Variants in KLRD1 observed in about 807,000 individuals in gnomAD.
KLRD1 encodes the protein killer cell lectin like receptor D1.
KLRD1 carries 21 observed loss-of-function variants against 22.6 expected under a neutral mutation model. That is an observed-to-expected ratio of 0.93 (90% confidence interval 0.66 to 1.34). The LOEUF (loss-of-function observed/expected upper bound fraction) is 1.34. Ranked by LOEUF, KLRD1 falls within the 40% of genes most tolerant of loss-of-function variation. The probability of loss-of-function intolerance (pLI) is 0.00; values close to 1 mark genes in which losing one functional copy is unlikely to be tolerated. For missense variants in KLRD1, 183 were observed against 208.6 expected (o/e 0.88, Z 0.76); for synonymous variants, 59 against 71.1 (o/e 0.83, Z 0.85).
At chr12:10,280,394 A>C (rs1949628973) in intron 1 of KLRD1, among the ~76,000 whole-genome samples, 1 of 152,240 alleles carries the variant, frequency 6.6e-6, no homozygotes, top group South Asian at 2.1e-4. Context: ...TTAAGTAGCC[A>C]ATATTCTAGG....
rs79151715 is a variant in KLRD1, at chr12:10,326,177, G to A, written c.*11384G>A. On this transcript the variant is annotated 3_prime_UTR_variant, in exon 6 of 6. Coordinates refer to ENST00000336164, the MANE Select transcript of KLRD1 (RefSeq NM_002262.5). ...TTACTTGTGTTTTTTTTAATATTGA[G>A]TTGTAGGAGTTCTTTATATGTTTTG... 15 of 152,058 alleles carry A rather than the reference G, an allele frequency of 9.9e-5. No individual in the cohort carries two copies. In the East Asian group the frequency reaches 2.9e-3, roughly 29 times the overall value. 9.4% of individuals were successfully genotyped at this position (152,058 alleles called of 1,614,324 possible). A position where few individuals can be genotyped will look rare whatever the true frequency, so the allele number is the denominator to read the frequency against.
At chr12:10,258,343 T>G (rs998978065) in intron 1 of KLRD1, among the ~76,000 whole-genome samples, 62 of 152,326 alleles carry the variant, frequency 4.1e-4, no homozygotes, top group African/African-American at 1.4e-3. Flanking sequence ...GTTTTTATTA[T>G]TTAATTACTA....
intron 1 of KLRD1, among the ~76,000 whole-genome samples, chr12:10,242,993 C>A (rs182739769): frequency 2.3e-4 from 35 of 152,170 alleles, no homozygotes; most frequent in African/African-American, 7.7e-4. Context: ...ATGGATGAAT[C>A]TGGGGGGCAT....
intron 1 of KLRD1, among the ~76,000 whole-genome samples, chr12:10,268,786 A>G (rs534172248): frequency 6.6e-6 from 1 of 152,314 alleles, no homozygotes; most frequent in South Asian, 2.1e-4. Flanking sequence ...GAAAGATAAT[A>G]TTTGCTGAAG....
intron 1 of KLRD1, among the ~76,000 whole-genome samples, chr12:10,283,789 G>A (rs1949669929): frequency 6.6e-6 from 1 of 152,040 alleles, no homozygotes; most frequent in Non-Finnish European, 1.5e-5. Flanking sequence ...GGAGGACAAA[G>A]AGAAAAGTGA....
At chr12:10,310,565 T>C (rs1312568915) in intron 3 of KLRD1, among the ~76,000 whole-genome samples, 1 of 152,182 alleles carries the variant, frequency 6.6e-6, no homozygotes, top group African/African-American at 2.4e-5. Context: ...TTTGGGAGGC[T>C]GAGGTAGGCA....
chr12:10,328,913 G>C lies in KLRD1; in HGVS notation c.*14120G>C, dbSNP rs775666962. ...AGAGAATGAAAGCCAAGCCAAAGGG[G>C]GTTTCCCCTTATAAAACCATCTGAT... On this transcript the variant is annotated 3_prime_UTR_variant, in exon 6 of 6. Transcript: ENST00000336164. 1 of 152,158 alleles carries C rather than the reference G, an allele frequency of 6.6e-6. No homozygotes were observed. The highest frequency in any genetic ancestry group is 1.5e-5 in the Non-Finnish European group (1 of 68,032). 9.4% of individuals were successfully genotyped at this position (152,158 alleles called of 1,614,324 possible).
chr12:10,257,398 T>A (rs2075728523), intron 1 of KLRD1, among the ~76,000 whole-genome samples: 1 of 151,242 alleles, frequency 6.6e-6, no homozygotes, highest in Non-Finnish European at 1.5e-5. Flanking sequence ...TCTTAGTCTC[T>A]GTTCACTTTT....
chr12:10,299,178 C>G (rs1242557936), intron 1 of KLRD1, among the ~76,000 whole-genome samples: 5 of 150,624 alleles, frequency 3.3e-5, no homozygotes, highest in Non-Finnish European at 5.9e-5. Flanking sequence ...GGGTTCCATT[C>G]TGCGTTTTTT....
rs1950368748 is a variant in KLRD1, at chr12:10,327,141, G to C, written c.*12348G>C. ...ATGGATGTTCATTTTTCCCGTCACT[G>C]TTTGTTGAAGAAACTGTCATTTCCC... is the stretch of plus-strand genomic sequence containing the variant. On this transcript the variant is annotated 3_prime_UTR_variant, in exon 6 of 6. Coordinates refer to ENST00000336164, the MANE Select transcript of KLRD1 (RefSeq NM_002262.5). 1 of 152,138 alleles carries C rather than the reference G, an allele frequency of 6.6e-6. No individual in the cohort carries two copies. The allele number at this position is 152,138 out of a possible 1,614,324, so 9.4% of individuals were successfully genotyped here.
At chr12:10,261,781 G>A (rs1949456538) in intron 1 of KLRD1, among the ~76,000 whole-genome samples, 1 of 151,966 alleles carries the variant, frequency 6.6e-6, no homozygotes, top group African/African-American at 2.4e-5. Flanking sequence ...CTGGGTCTTG[G>A]TTTTCTTATT....
At chr12:10,251,787 T>C (rs1949348593) in intron 1 of KLRD1, among the ~76,000 whole-genome samples, 1 of 152,058 alleles carries the variant, frequency 6.6e-6, no homozygotes, top group Non-Finnish European at 1.5e-5. Context: ...GCATGTGCAG[T>C]TCACAACAGG....
chr12:10,293,477 G>A (rs1949795551), intron 1 of KLRD1, among the ~76,000 whole-genome samples: 1 of 151,832 alleles, frequency 6.6e-6, no homozygotes, highest in Non-Finnish European at 1.5e-5. Flanking sequence ...ATGGACAATC[G>A]CTGGCCAGTG....
At chr12:10,281,026 C>T (rs1395309939) in intron 1 of KLRD1, among the ~76,000 whole-genome samples, 4 of 152,074 alleles carry the variant, frequency 2.6e-5, no homozygotes, top group African/African-American at 9.7e-5. Flanking sequence ...GCTGTGAATG[C>T]TACCTTATAG....
intron 1 of KLRD1, among the ~76,000 whole-genome samples, chr12:10,291,669 GA>G (rs1476853159): frequency 6.7e-6 from 1 of 148,870 alleles, no homozygotes; most frequent in Non-Finnish European, 1.5e-5. Flanking sequence ...TACACAAGCA[GA>G]ACGTGCAGGT....
chr12:10,262,501 T>G (rs1008167899), intron 1 of KLRD1, among the ~76,000 whole-genome samples: 2 of 152,160 alleles, frequency 1.3e-5, no homozygotes, highest in African/African-American at 4.8e-5. Context: ...TAACTAACTT[T>G]GGTCTTATAT....
chr12:10,239,422 A>T (rs11053697), intron 1 of KLRD1, among the ~76,000 whole-genome samples: 127,786 of 136,212 alleles, frequency 0.94, 59,750 homozygotes, highest in Non-Finnish European at 0.98. Context: ...CCTTCTTTCC[A>T]TCCTTCCTTC....
At position 10,324,648 on chromosome 12, in the gene KLRD1, A is replaced by G. The variant is rs1000144049; in HGVS notation, c.*9855A>G. The G allele has an allele frequency of 1.3e-5, 2 of 151,532 alleles. No individual in the cohort carries two copies. The highest frequency in any genetic ancestry group is 4.8e-5 in the African/African-American group (2 of 41,292). The allele number at this position is 151,532 out of a possible 1,614,324, so 9.4% of individuals were successfully genotyped here. On this transcript the variant is annotated 3_prime_UTR_variant, in exon 6 of 6. Coordinates refer to ENST00000336164, the MANE Select transcript of KLRD1 (RefSeq NM_002262.5). Reference sequence around the variant, plus strand: ...TTTACCTAGTCCATTGTCTCAATATACTTAAGTTATACTCAGTAATGTTTT... The same window carrying G: ...TTTACCTAGTCCATTGTCTCAATATGCTTAAGTTATACTCAGTAATGTTTT...
At chr12:10,241,829 T>C (rs1436569269) in intron 1 of KLRD1, among the ~76,000 whole-genome samples, 4 of 152,160 alleles carry the variant, frequency 2.6e-5, no homozygotes, top group Non-Finnish European at 5.9e-5. Flanking sequence ...ATGGATATTT[T>C]TGTACTGTTT....
Sources: allele counts gnomAD v4.1 joint callset (sites outside exome capture counted in the v4.1 genomes callset), GRCh38; gene constraint gnomAD v4.1.1; transcripts MANE v1.5; gene names NCBI Gene and HGNC (gene_info 2026-07-23, HGNC 2026-07-21).